Variants in STXBP5L observed in about 807,000 individuals in gnomAD.
STXBP5L encodes syntaxin-binding protein 5-like.
In STXBP5L, 65 loss-of-function variants were observed where a neutral mutation model predicts 144.5. The ratio of observed to expected loss-of-function variants is 0.45; its 90% CI spans 0.37 to 0.55. The LOEUF (loss-of-function observed/expected upper bound fraction) is 0.55, where lower values mean the gene tolerates loss of function less well. Among genes scored for constraint, STXBP5L ranks in the 20% least tolerant of loss-of-function variants. The probability of loss-of-function intolerance (pLI) is 0.00; values close to 1 mark genes in which losing one functional copy is unlikely to be tolerated. For missense variants in STXBP5L, 1,298 were observed against 1,405.5 expected (o/e 0.92, Z 1.22); for synonymous variants, 505 against 469.6 (o/e 1.08, Z -0.97).
chr3:121,000,126 C>G (rs1943654335), intron 3 of STXBP5L, among the ~76,000 whole-genome samples: 1 of 152,036 alleles, frequency 6.6e-6, no homozygotes, highest in Non-Finnish European at 1.5e-5. Flanking sequence ...CAGGGGTTCT[C>G]TGAATTTCCT....
chr3:121,300,293 T>G (rs779605583), intron 19 of STXBP5L, among the ~76,000 whole-genome samples: 2 of 152,060 alleles, frequency 1.3e-5, no homozygotes, highest in Non-Finnish European at 2.9e-5. Context: ...AAAGAAAATT[T>G]TTAAAGCAGA....
At chr3:121,218,172 C>T (rs2048851485) in intron 10 of STXBP5L, among the ~76,000 whole-genome samples, 2 of 136,330 alleles carry the variant, frequency 1.5e-5, no homozygotes. Flanking sequence ...ATATACTATA[C>T]TATATATAGT....
rs557311740 is a variant in STXBP5L, at chr3:121,063,946, C to A, written c.470+18411C>A. Among the ~76,000 whole-genome samples, 44 of 152,246 alleles carry A rather than the reference C, an allele frequency of 2.9e-4. No homozygotes were observed. In the South Asian group the frequency reaches 6.6e-3, roughly 23 times the overall value. ...CTGTGCTCGGTGGGGTTGGGGTCCA[C>A]TGAGCTAGACCACTTGGATCCCTGG... is the stretch of plus-strand genomic sequence containing the variant. On this transcript the variant is annotated intron_variant, in intron 5 of 26. Transcript: ENST00000471454.
At chr3:121,132,374 CA>C (rs1343191927) in intron 7 of STXBP5L, among the ~76,000 whole-genome samples, 1 of 152,154 alleles carries the variant, frequency 6.6e-6, no homozygotes, top group African/African-American at 2.4e-5. Flanking sequence ...TGGGGAGAAC[CA>C]AGGTGGTGGC....
intron 5 of STXBP5L, among the ~76,000 whole-genome samples, chr3:121,089,932 C>T (rs1037729025): frequency 6.6e-6 from 1 of 151,874 alleles, no homozygotes; most frequent in Non-Finnish European, 1.5e-5. Context: ...GTTCTTTTTA[C>T]TTACTTTTTC....
chr3:121,004,667 G>A (rs9816763), intron 3 of STXBP5L, among the ~76,000 whole-genome samples: 32,408 of 151,920 alleles, frequency 0.21, 3,683 homozygotes, highest in Non-Finnish European at 0.26. Flanking sequence ...TGCCCATTTG[G>A]TATGATATTG....
At chr3:121,387,929 T>C (rs1297930750) in intron 22 of STXBP5L, among the ~76,000 whole-genome samples, 1 of 152,190 alleles carries the variant, frequency 6.6e-6, no homozygotes, top group African/African-American at 2.4e-5. Flanking sequence ...TTTTTTCCAA[T>C]TCTGTGAAGA....
chr3:121,067,824 T>C (rs562085759), intron 5 of STXBP5L, among the ~76,000 whole-genome samples: 1 of 152,228 alleles, frequency 6.6e-6, no homozygotes, highest in African/African-American at 2.4e-5. Flanking sequence ...TATTTATTAC[T>C]TTATCATTAT....
chr3:121,014,196 A>G (rs546555869), intron 3 of STXBP5L, among the ~76,000 whole-genome samples: 1 of 152,072 alleles, frequency 6.6e-6, no homozygotes, highest in Admixed American at 6.5e-5. Context: ...AATAGATAGG[A>G]ATAGTGTTGA....
At position 120,909,654 on chromosome 3, in the gene STXBP5L, A is replaced by G. The variant is rs1708722330; in HGVS notation, c.76A>G (p.Ser26Gly). 7.4e-6 allele frequency: 12 copies of G among 1,613,890 alleles called. No homozygotes were observed. Among genetic ancestry groups the G allele is most frequent in the Non-Finnish European group, 1.0e-5 (12 of 1,179,924 alleles). Residue 26 changes from serine to glycine, a missense_variant, in exon 2 of 27, where the codon AGT (serine) becomes GGT (glycine). By Grantham distance (56) the Ser-to-Gly change is moderately conservative (BLOSUM62 0). Coordinates refer to ENST00000471454, the MANE Select transcript of STXBP5L (RefSeq NM_001308330.2). ...SSPGSGSSSG[S>G]NSGGGAGSGS... Reference sequence around the variant, plus strand: ...CCCTGGCAGTGGTAGCAGCAGTGGCAGTAACAGTGGTGGTGGGGCTGGAAG... The same window carrying G: ...CCCTGGCAGTGGTAGCAGCAGTGGCGGTAACAGTGGTGGTGGGGCTGGAAG...
At chr3:121,314,400 C>T (rs371499448) in intron 19 of STXBP5L, among the ~76,000 whole-genome samples, 14,335 of 125,472 alleles carry the variant, frequency 0.11, 996 homozygotes, top group Middle Eastern at 0.19. Flanking sequence ...GAGACCAGCC[C>T]GGCCAACACA....
chr3:121,193,191 C>T (rs1190782853), intron 9 of STXBP5L, among the ~76,000 whole-genome samples: 5 of 143,144 alleles, frequency 3.5e-5, no homozygotes, highest in Non-Finnish European at 7.6e-5. Flanking sequence ...CAAAAAAAGA[C>T]ACCTATGCAG....
intron 3 of STXBP5L, among the ~76,000 whole-genome samples, chr3:121,020,303 G>A (rs1172737511): frequency 2.0e-5 from 3 of 152,120 alleles, no homozygotes; most frequent in Non-Finnish European, 4.4e-5. Context: ...GTGTTCCCCA[G>A]GAAGAGGAGA....
chr3:121,238,191 C>CA (rs947002558), intron 12 of STXBP5L, among the ~76,000 whole-genome samples: 15 of 150,924 alleles, frequency 9.9e-5, no homozygotes, highest in Non-Finnish European at 1.9e-4. Flanking sequence ...TATTTTTTTT[C>CA]AAAAAAAATG....
chr3:120,948,375 G>A (rs1443407034), intron 2 of STXBP5L, among the ~76,000 whole-genome samples: 3 of 151,356 alleles, frequency 2.0e-5, no homozygotes, highest in African/African-American at 7.3e-5. Context: ...TATTTGATTT[G>A]CAAATTATTT....
At chr3:121,358,738 T>A (rs1378036117) in intron 20 of STXBP5L, among the ~76,000 whole-genome samples, 3 of 152,216 alleles carry the variant, frequency 2.0e-5, no homozygotes, top group Non-Finnish European at 4.4e-5. Flanking sequence ...TAAGTGAGAA[T>A]ATTTAATGTT....
intron 19 of STXBP5L, among the ~76,000 whole-genome samples, chr3:121,285,677 A>G (rs338989): frequency 0.49 from 74,330 of 151,858 alleles, 18,646 homozygotes; most frequent in East Asian, 0.73. Context: ...AAAGAACAGC[A>G]GACATCTGAT....
intron 9 of STXBP5L, among the ~76,000 whole-genome samples, chr3:121,186,361 C>T (rs1467103248): frequency 6.6e-6 from 1 of 152,160 alleles, no homozygotes; most frequent in South Asian, 2.1e-4. Flanking sequence ...GAGAGGGCAT[C>T]CCTGTCTTGT....
At chr3:120,970,981 C>A (rs9822141) in intron 3 of STXBP5L, among the ~76,000 whole-genome samples, 2 of 152,108 alleles carry the variant, frequency 1.3e-5, no homozygotes, top group South Asian at 4.1e-4. Context: ...GGAACACTTA[C>A]AGTGAGCACC....
Sources: gnomAD v4.1 joint callset for allele counts (sites outside exome capture counted in the v4.1 genomes callset) on GRCh38, gnomAD v4.1.1 for gene constraint, MANE v1.5 for transcripts, NCBI Gene and HGNC (gene_info 2026-07-23, HGNC 2026-07-21) for gene names.